Variants in ZNF619 observed in about 807,000 individuals in gnomAD.
The protein encoded by ZNF619 is zinc finger protein 619.
ZNF619 carries 9 observed loss-of-function variants against 14.2 expected under a neutral mutation model. The ratio of observed to expected loss-of-function variants is 0.64; its 90% CI spans 0.38 to 1.11. The LOEUF (loss-of-function observed/expected upper bound fraction) is 1.11. ZNF619 is among the 50% of genes least tolerant of loss of function. ZNF619 has a pLI of 0.01. For missense variants in ZNF619, 659 were observed against 680.1 expected (o/e 0.97, Z 0.34); for synonymous variants, 246 against 252.8 (o/e 0.97, Z 0.26).
chr3:40,481,603 C>G (rs1287135231), intron 2 of ZNF619, among the ~76,000 whole-genome samples: 2 of 152,140 alleles, frequency 1.3e-5, no homozygotes, highest in African/African-American at 4.8e-5. Context: ...AAAAATATAC[C>G]TGGCCTGTGG....
rs757742648 is a variant in ZNF619, at chr3:40,488,157, C to A, written c.1647C>A (p.Val549=). 1 of 1,613,776 alleles carries A rather than the reference C, an allele frequency of 6.2e-7. No individual in the cohort carries two copies. Among genetic ancestry groups the A allele is most frequent in the South Asian group, 1.1e-5 (1 of 91,046 alleles). ...PSSEKANPSP[V]QIAHFFQDLA... ...CTGAAAAGGCCAACCCTTCACCTGT[C>A]CAAATAGCACATTTTTTTCAGGATC... is the stretch of plus-strand genomic sequence containing the variant. Residue 549 remains valine (V), a synonymous_variant, in exon 5 of 5, where the codon GTC becomes GTA. Transcript: ENST00000432264.
intron 4 of ZNF619, among the ~76,000 whole-genome samples, chr3:40,484,070 C>T (rs888256343): frequency 3.3e-5 from 5 of 152,114 alleles, no homozygotes; most frequent in African/African-American, 4.8e-5. Context: ...GGATTACAGG[C>T]GCCCGCCACC....
intron 2 of ZNF619, 117 bp downstream of exon 2, chr3:40,478,120 TGTAAAAACAGTATGCGAGGGGA>T: frequency 1.0e-6 from 1 of 986,226 alleles, no homozygotes; most frequent in Non-Finnish European, 1.5e-6. Context: ...CAATAAAGTA[TGTAAAAACAGTATGCGAGGGGA>T]GTTGACGAAC....
At chr3:40,478,847 C>T (rs1697288046) in intron 2 of ZNF619, among the ~76,000 whole-genome samples, 2 of 152,134 alleles carry the variant, frequency 1.3e-5, no homozygotes, top group African/African-American at 4.8e-5. Context: ...ATTGGACCAT[C>T]CACTTCTGTT....
chr3:40,482,382 C>T, intron 3 of ZNF619: 10 of 1,578,902 alleles, frequency 6.3e-6, no homozygotes, highest in Non-Finnish European at 8.6e-6. Flanking sequence ...GTACACACCC[C>T]CCAGTGACTC....
intron 3 of ZNF619, 74 bp downstream of exon 3, chr3:40,482,090 G>C (rs1697419374): frequency 6.4e-7 from 1 of 1,553,072 alleles, no homozygotes; most frequent in Non-Finnish European, 8.7e-7. Context: ...GCAGAACTAG[G>C]ATCTCTTTAA....
intron 4 of ZNF619, among the ~76,000 whole-genome samples, chr3:40,484,905 G>T (rs941040360): frequency 9.9e-5 from 15 of 152,248 alleles, no homozygotes; most frequent in African/African-American, 3.4e-4. Context: ...ATTGCCAGGT[G>T]CCACCTCCAG....
chr3:40,483,889 A>G (rs1697493633), intron 4 of ZNF619, among the ~76,000 whole-genome samples: 1 of 152,106 alleles, frequency 6.6e-6, no homozygotes, highest in Non-Finnish European at 1.5e-5. Context: ...CAGCCTCCCA[A>G]AGTGCTGGGA....
rs1697786085 is a variant in ZNF619, at chr3:40,490,944, G to C, written c.*2703G>C. ...ATGCATGCTCTTGCCATCTTGCCAT[G>C]TGATGCTTTCCATCATGTTATGACA... On this transcript the variant is annotated 3_prime_UTR_variant, in exon 5 of 5. Coordinates refer to ENST00000432264, the MANE Select transcript of ZNF619 (RefSeq NM_001145093.4). Among the ~76,000 whole-genome samples the C allele has an allele frequency of 6.6e-6, 1 of 152,142 alleles. No homozygotes were observed. Among genetic ancestry groups the C allele is most frequent in the South Asian group, 2.1e-4 (1 of 4,824 alleles).
intron 4 of ZNF619, among the ~76,000 whole-genome samples, chr3:40,484,953 G>A (rs1269089518): frequency 6.6e-6 from 1 of 152,152 alleles, no homozygotes; most frequent in Non-Finnish European, 1.5e-5. Context: ...GGCTGAGAAT[G>A]TGCATTTCTT....
rs1219000631 is a variant in ZNF619 at position 40,477,734 on chromosome 3, C to T, written c.-62-184C>T. On this transcript the variant is annotated intron_variant, in intron 1 of 4. Coordinates refer to ENST00000432264, the MANE Select transcript of ZNF619 (RefSeq NM_001145093.4). ...TTCTTTCTAGAGTTTCCAGTGTCAC[C>T]AAGCAGATCTATAGGAGAATATGCA... 5.9e-6 allele frequency: 3 copies of T among 505,854 alleles called. No homozygotes were observed. In the East Asian group the frequency reaches 1.0e-4, roughly 17 times the overall value. The allele number at this position is 505,854 out of a possible 1,614,324, so 31.3% of individuals were successfully genotyped here.
At chr3:40,486,741 C>T in intron 4 of ZNF619, 65 bp from the exon 5 acceptor site, 5 of 1,302,778 alleles carry the variant, frequency 3.8e-6, no homozygotes, top group Non-Finnish European at 3.2e-6. Flanking sequence ...CAAGCTGTTA[C>T]TGATTAACCC....
chr3:40,486,556 C>A (rs1271786456), intron 4 of ZNF619, among the ~76,000 whole-genome samples: 1 of 152,024 alleles, frequency 6.6e-6, no homozygotes, highest in Non-Finnish European at 1.5e-5. Flanking sequence ...AAAAAATTAG[C>A]CGGGTGTGGT....
chr3:40,487,132 G>A lies in ZNF619; in HGVS notation c.622G>A (p.Glu208Lys), dbSNP rs771550112. ...AKEQVFYKCGECGSYYNPHSD... is the reference protein window; with the variant it reads ...AKEQVFYKCGKCGSYYNPHSD... ...AGAACAGGTGTTTTATAAATGTGGTGAGTGTGGCAGTTACTACAACCCACA... is the reference window on the plus strand; with the variant it reads ...AGAACAGGTGTTTTATAAATGTGGTAAGTGTGGCAGTTACTACAACCCACA... The change falls in exon 5 of 5, where the codon GAG becomes AAG. Residue 208 changes from glutamate (E) to lysine (K), a missense_variant. Coordinates refer to ENST00000432264, the MANE Select transcript of ZNF619 (RefSeq NM_001145093.4). 1 of 1,614,166 alleles carries A rather than the reference G, an allele frequency of 6.2e-7. No individual in the cohort carries two copies. Among genetic ancestry groups the A allele is most frequent in the South Asian group, 1.1e-5 (1 of 91,088 alleles).
intron 4 of ZNF619, among the ~76,000 whole-genome samples, chr3:40,485,241 AC>A (rs1697540360): frequency 6.6e-6 from 1 of 152,068 alleles, no homozygotes; most frequent in African/African-American, 2.4e-5. Flanking sequence ...TAAAAATTAG[AC>A]TACATTGTAT....
rs1164303544 is a variant in ZNF619, at chr3:40,490,218, C to T, written c.*1977C>T. ...CCTTCAGAACTGTGAACTAAATAAA[C>T]CTCTATTCTGTATAAATTACCCAGT... On this transcript the variant is annotated 3_prime_UTR_variant, in exon 5 of 5. Transcript: ENST00000432264. 3 of 152,200 alleles carry T rather than the reference C, an allele frequency of 2.0e-5. No homozygotes were observed. Among genetic ancestry groups the T allele is most frequent in the Non-Finnish European group, 2.9e-5 (2 of 68,048 alleles). The allele number at this position is 152,200 out of a possible 1,614,324, so 9.4% of individuals were successfully genotyped here. A position where few individuals can be genotyped will look rare whatever the true frequency, so the allele number is the denominator to read the frequency against.
chr3:40,487,990 C>T lies in ZNF619; in HGVS notation c.1480C>T (p.Pro494Ser). The change falls in exon 5 of 5, where the codon CCC (proline) becomes TCC (serine). Residue 494 changes from proline to serine, a missense_variant. Physicochemically the swap from Pro to Ser is moderately conservative, Grantham distance 74 (BLOSUM62 -1). Transcript: ENST00000432264. ...INGTGLSAVKPYCPCAILSPL... is the reference protein window; with the variant it reads ...INGTGLSAVKSYCPCAILSPL... ...TGGAACAGGGCTATCCGCAGTTAAG[C>T]CCTACTGTCCCTGCGCCATCCTCTC... The T allele has an allele frequency of 6.2e-7, 1 of 1,614,178 alleles. No homozygotes were observed. Among genetic ancestry groups the T allele is most frequent in the African/African-American group, 1.3e-5 (1 of 75,056 alleles).
intron 2 of ZNF619, among the ~76,000 whole-genome samples, chr3:40,479,719 A>C (rs1697322638): frequency 6.6e-6 from 1 of 152,138 alleles, no homozygotes; most frequent in Non-Finnish European, 1.5e-5. Flanking sequence ...TGGGCCAGAT[A>C]ATTCTTTGTT....
chr3:40,486,939 A>G lies in ZNF619; in HGVS notation c.429A>G (p.Leu143=), dbSNP rs1020552730. The G allele has an allele frequency of 3.1e-6, 5 of 1,614,104 alleles. No homozygotes were observed. Among genetic ancestry groups the G allele is most frequent in the Non-Finnish European group, 4.2e-6 (5 of 1,180,050 alleles). Reference sequence around the variant, plus strand: ...AGCACCCTGACTTCAAGGACAGGTTAGAGAAGTCACAGCTACATGATACAG... The same window carrying G: ...AGCACCCTGACTTCAAGGACAGGTTGGAGAAGTCACAGCTACATGATACAG... The part of the protein sequence containing the change: ...VPQHPDFKDR[L]EKSQLHDTGN... Residue 143 remains leucine (L), a synonymous_variant, in exon 5 of 5, where the codon TTA becomes TTG. Coordinates refer to ENST00000432264, the MANE Select transcript of ZNF619 (RefSeq NM_001145093.4).
Sources: allele counts gnomAD v4.1 joint callset (sites outside exome capture counted in the v4.1 genomes callset), GRCh38; gene constraint gnomAD v4.1.1; transcripts MANE v1.5; gene names NCBI Gene and HGNC (gene_info 2026-07-23, HGNC 2026-07-21).